Variants in PEAK3 observed in about 807,000 individuals in gnomAD.
PEAK3 encodes protein PEAK3.
A neutral mutation model predicts 13.3 loss-of-function variants in PEAK3; 15 were observed. The ratio of observed to expected loss-of-function variants is 1.13; its 90% confidence interval spans 0.75 to 1.73. The LOEUF (loss-of-function observed/expected upper bound fraction) is 1.73, where lower values mean the gene tolerates loss of function less well. Ranked by LOEUF, PEAK3 falls within the 40% of genes most tolerant of loss-of-function variation. The pLI is 0.00. For synonymous variants in PEAK3, 347 were observed against 341.9 expected (o/e 1.01, Z -0.17); for missense variants, 739 against 690.2 (o/e 1.07, Z -0.79).
intron 2 of PEAK3, among the ~76,000 whole-genome samples, chr19:2,279,776 G>A (rs2025423709): frequency 2.6e-5 from 4 of 151,594 alleles, no homozygotes; most frequent in African/African-American, 9.7e-5. Flanking sequence ...CTTTTTTGAA[G>A]TCTTGCTCTG....
chr19:2,275,564 TGC>T lies in PEAK3; in HGVS notation c.*114_*115del, dbSNP rs2145067806. ...TGGAGTGGGGCATTGCTCTCTCTGC[TGC>T]GCTCCTGGACTCTGCAGGAAGAGGG... On this transcript the variant is annotated 3_prime_UTR_variant, in exon 4 of 4. Transcript: ENST00000342063. The T allele has an allele frequency of 1.0e-6, 1 of 962,142 alleles. No individual in the cohort carries two copies. The highest frequency in any genetic ancestry group is 1.7e-5 in the African/African-American group (1 of 58,152). 59.6% of individuals were successfully genotyped at this position (962,142 alleles called of 1,614,324 possible). A position where few individuals can be genotyped will look rare whatever the true frequency, so the allele number is the denominator to read the frequency against.
In PEAK3 at chr19:2,280,892, C is replaced by T. The variant is rs761464605; in HGVS notation, c.40G>A (p.Asp14Asn). Reference protein sequence around the residue: ...PEPPTEPPEPDNPTWSTQPTY... With the variant: ...PEPPTEPPEPNNPTWSTQPTY... The stretch of plus-strand genomic sequence containing the variant: ...GGCTGAGTCGACCAGGTGGGGTTGT[C>T]GGGCTCGGGGGGCTCTGTGGGGGGC... Residue 14 changes from aspartate (D) to asparagine (N), a missense_variant, in exon 2 of 4, where the codon GAC (aspartate) becomes AAC (asparagine). Coordinates refer to ENST00000342063, the MANE Select transcript of PEAK3 (RefSeq NM_198532.3). 44 of 1,596,912 alleles carry T rather than the reference C, an allele frequency of 2.8e-5. No homozygotes were observed. Among genetic ancestry groups the T allele is most frequent in the Non-Finnish European group, 3.3e-5 (39 of 1,171,650 alleles).
At position 2,279,056 on chromosome 19, in the gene PEAK3, G is replaced by A. The variant is rs775623745; in HGVS notation, c.140C>T (p.Ser47Phe). Reference sequence around the variant, plus strand: ...CAGGGGCTCTGGGTTGGTGGAGAGGGACCCAGGGGTCCGGAGGCGGCAGGC... The same window carrying A: ...CAGGGGCTCTGGGTTGGTGGAGAGGAACCCAGGGGTCCGGAGGCGGCAGGC... ...SKACRLRTPG[S>F]LSTNPEPLPP... The change falls in exon 3 of 4, where the codon TCC becomes TTC. Residue 47 changes from serine (S) to phenylalanine (F), a missense_variant. Physicochemically the swap from Ser to Phe is radical, Grantham distance 155. Transcript: ENST00000342063. 26 of 1,490,602 alleles carry A rather than the reference G, an allele frequency of 1.7e-5. 1 individual carries two copies. In the East Asian group the frequency reaches 6.2e-4, roughly 36 times the overall value. The allele number at this position is 1,490,602 out of a possible 1,614,324, so 92.3% of individuals were successfully genotyped here. A position where few individuals can be genotyped will look rare whatever the true frequency, so the allele number is the denominator to read the frequency against.
Position 2,276,096 on chromosome 19 carries a change from G to T in PEAK3, c.1006C>A (p.Leu336Met). Reference sequence around the variant, plus strand: ...GATCCCGGGGGTCCAGGGGGCTGCAGACAGACGCGGCCAAAGTCAGTGAGG... The same window carrying T: ...GATCCCGGGGGTCCAGGGGGCTGCATACAGACGCGGCCAAAGTCAGTGAGG... ...LLLTDFGRVC[L>M]QPPGPPGSPG... The change falls in exon 4 of 4, where the codon CTG becomes ATG. Residue 336 changes from leucine (L) to methionine (M), a missense_variant. Leu to Met is a conservative substitution (Grantham distance 15). Coordinates refer to ENST00000342063, the MANE Select transcript of PEAK3 (RefSeq NM_198532.3). 1 of 1,502,632 alleles carries T rather than the reference G, an allele frequency of 6.7e-7. No individual in the cohort carries two copies. The highest frequency in any genetic ancestry group is 8.9e-7 in the Non-Finnish European group (1 of 1,123,264). 93.1% of individuals were successfully genotyped at this position (1,502,632 alleles called of 1,614,324 possible).
Position 2,276,156 on chromosome 19 carries a change from G to T in PEAK3, c.946C>A (p.Arg316=). The change falls in exon 4 of 4, where the codon CGG becomes AGG. Residue 316 remains arginine, a synonymous_variant. Coordinates refer to ENST00000342063, the MANE Select transcript of PEAK3 (RefSeq NM_198532.3). ...RPENLLLVAP[R]GCATTGPPRL... Reference sequence around the variant, plus strand: ...GGGGGCCCCGTCGTCGCACAGCCCCGAGGTGCCACCAGCAGCAAGTTCTCC... The same window carrying T: ...GGGGGCCCCGTCGTCGCACAGCCCCTAGGTGCCACCAGCAGCAAGTTCTCC... The T allele has an allele frequency of 6.5e-7, 1 of 1,545,778 alleles. No homozygotes were observed.
At chr19:2,276,782 A>AGGCAG (rs1336241132) in intron 3 of PEAK3, among the ~76,000 whole-genome samples, 1 of 152,124 alleles carries the variant, frequency 6.6e-6, no homozygotes, top group Non-Finnish European at 1.5e-5. Flanking sequence ...GCACTTTGGG[A>AGGCAG]GGCAGGGGGA....
At position 2,279,157 on chromosome 19, in the gene PEAK3, G is replaced by A. The variant is rs987148582; in HGVS notation, c.83-44C>T. The stretch of plus-strand genomic sequence containing the variant: ...GGGGAGGGTTGAGGACAGGCGGAGT[G>A]GGAACGGGACACGTGACTCCACCTC... On this transcript the variant is annotated intron_variant, in intron 2 of 3. Coordinates refer to ENST00000342063, the MANE Select transcript of PEAK3 (RefSeq NM_198532.3). The A allele has an allele frequency of 1.0e-5, 14 of 1,374,194 alleles. No homozygotes were observed. The East Asian group carries it at 2.9e-4, about 29-fold the overall frequency. The allele number at this position is 1,374,194 out of a possible 1,614,324, so 85.1% of individuals were successfully genotyped here.
chr19:2,276,821 C>A (rs2059759762), intron 3 of PEAK3, among the ~76,000 whole-genome samples: 2 of 152,148 alleles, frequency 1.3e-5, no homozygotes, highest in African/African-American at 4.8e-5. Flanking sequence ...CGAGACCAGC[C>A]TGGCCAACGC....
chr19:2,275,632 C>G lies in PEAK3; in HGVS notation c.*48G>C. On this transcript the variant is annotated 3_prime_UTR_variant, in exon 4 of 4. Coordinates refer to ENST00000342063, the MANE Select transcript of PEAK3 (RefSeq NM_198532.3). Reference sequence around the variant, plus strand: ...GGAGACGCTGACCTCAGCCCCAGCCCTGCCTCCTGGGCAGGCCTGGACCAG... The same window carrying G: ...GGAGACGCTGACCTCAGCCCCAGCCGTGCCTCCTGGGCAGGCCTGGACCAG... 1 of 1,365,344 alleles carries G rather than the reference C, an allele frequency of 7.3e-7. No homozygotes were observed. Among genetic ancestry groups the G allele is most frequent in the African/African-American group, 1.5e-5 (1 of 65,698 alleles). 84.6% of individuals were successfully genotyped at this position (1,365,344 alleles called of 1,614,324 possible).
rs2025367563 is a variant in PEAK3, at chr19:2,274,845, G to C, written c.*835C>G. 1 of 145,904 alleles carries C rather than the reference G, an allele frequency of 6.9e-6. No individual in the cohort carries two copies. Among genetic ancestry groups the C allele is most frequent in the Non-Finnish European group, 1.5e-5 (1 of 66,848 alleles). The allele number at this position is 145,904 out of a possible 1,614,324, so 9.0% of individuals were successfully genotyped here. A position where few individuals can be genotyped will look rare whatever the true frequency, so the allele number is the denominator to read the frequency against. ...AAATTAGCCGGGCGTGGTGGCGGGCGCCTGTAGTCCCAGCTACTCGGGAGG... is the reference window on the plus strand; with the variant it reads ...AAATTAGCCGGGCGTGGTGGCGGGCCCCTGTAGTCCCAGCTACTCGGGAGG... On this transcript the variant is annotated 3_prime_UTR_variant, in exon 4 of 4. Coordinates refer to ENST00000342063, the MANE Select transcript of PEAK3 (RefSeq NM_198532.3).
In PEAK3 at chr19:2,278,639, A is replaced by G. The variant is rs140574256; in HGVS notation, c.557T>C (p.Leu186Pro). ...GTGCGCGCGCACCACGCGGTAATAC[A>G]GGGCGTCCCCGCTCTCTGCGCAGGG... ...SSPCAESGDA[L>P]YYRVVRAHED... The change falls in exon 3 of 4, where the codon CTG becomes CCG. Residue 186 changes from leucine to proline, a missense_variant. Transcript: ENST00000342063. 2.2e-5 allele frequency: 33 copies of G among 1,503,920 alleles called. No homozygotes were observed. The African/African-American group carries it at 2.9e-4, about 13-fold the overall frequency. 93.2% of individuals were successfully genotyped at this position (1,503,920 alleles called of 1,614,324 possible). A position where few individuals can be genotyped will look rare whatever the true frequency, so the allele number is the denominator to read the frequency against.
At position 2,278,587 on chromosome 19, in the gene PEAK3, G is replaced by C. The variant is rs2025412118; in HGVS notation, c.609C>G (p.Ala203=). 1 of 1,479,602 alleles carries C rather than the reference G, an allele frequency of 6.8e-7. No individual in the cohort carries two copies. Among genetic ancestry groups the C allele is most frequent in the Non-Finnish European group, 9.0e-7 (1 of 1,115,846 alleles). 91.7% of individuals were successfully genotyped at this position (1,479,602 alleles called of 1,614,324 possible). The change falls in exon 3 of 4, where the codon GCC becomes GCG. Residue 203 remains alanine, a synonymous_variant. Transcript: ENST00000342063. The part of the protein sequence containing the change: ...AHEDAWHILV[A]KVPKPGADVP... Reference sequence around the variant, plus strand: ...AGGGTGGGGCTGTGGGGCTCACCTTGGCGACCAGGATGTGCCAGGCGTCCT... The same window carrying C: ...AGGGTGGGGCTGTGGGGCTCACCTTCGCGACCAGGATGTGCCAGGCGTCCT...
intron 3 of PEAK3, 106 bp from the exon 4 acceptor site, chr19:2,276,595 GC>G (rs747801058): frequency 3.7e-4 from 355 of 966,660 alleles, no homozygotes; most frequent in Middle Eastern, 6.6e-4. Flanking sequence ...CCCCCAAACT[GC>G]CCCCACTACG....
At chr19:2,280,539 C>T (rs1425460377) in intron 2 of PEAK3, among the ~76,000 whole-genome samples, 3 of 151,604 alleles carry the variant, frequency 2.0e-5, no homozygotes, top group Non-Finnish European at 2.9e-5. Flanking sequence ...AGATGGGGGG[C>T]GGGTCTCATT....
Position 2,275,790 on chromosome 19 carries a change from G to A in PEAK3, c.1312C>T (p.Arg438Trp), listed in dbSNP as rs769397129. The change falls in exon 4 of 4, where the codon CGG becomes TGG. Residue 438 changes from arginine (R) to tryptophan (W), a missense_variant. Arg to Trp is a moderately radical substitution (Grantham distance 101). Transcript: ENST00000342063. ...RGLLVLRLAE[R>W]AAGGEAPSLE... ...CTGGGAGCTTCCCCACCTGCGGCCC[G>A]CTCTGCTAGGCGCAGGACCAGCAGC... The A allele has an allele frequency of 3.9e-5, 61 of 1,564,286 alleles. No individual in the cohort carries two copies. The South Asian group carries it at 5.3e-4, about 14-fold the overall frequency.
At position 2,278,702 on chromosome 19, in the gene PEAK3, C is replaced by A; in HGVS notation, c.494G>T (p.Cys165Phe). 6.6e-7 allele frequency: 1 copy of A among 1,525,542 alleles called. No individual in the cohort carries two copies. 94.5% of individuals were successfully genotyped at this position (1,525,542 alleles called of 1,614,324 possible). A position where few individuals can be genotyped will look rare whatever the true frequency, so the allele number is the denominator to read the frequency against. Residue 165 changes from cysteine to phenylalanine, a missense_variant, in exon 3 of 4, where the codon TGC (cysteine) becomes TTC (phenylalanine). Coordinates refer to ENST00000342063, the MANE Select transcript of PEAK3 (RefSeq NM_198532.3). ...GAGGCGGAAGCTGTGGCCGGGGTGG[C>A]AGGGCCCGGGGTGGCCCCCCATGAG... ...ARLMGGHPGP[C>F]HPGHSFRLLD... is the part of the protein sequence containing the mutation.
chr19:2,278,589 C>A lies in PEAK3; in HGVS notation c.607G>T (p.Ala203Ser). 2 of 1,478,340 alleles carry A rather than the reference C, an allele frequency of 1.4e-6. No homozygotes were observed. The highest frequency in any genetic ancestry group is 1.8e-6 in the Non-Finnish European group (2 of 1,115,080). The allele number at this position is 1,478,340 out of a possible 1,614,324, so 91.6% of individuals were successfully genotyped here. A position where few individuals can be genotyped will look rare whatever the true frequency, so the allele number is the denominator to read the frequency against. The change falls in exon 3 of 4, where the codon GCC (alanine) becomes TCC (serine). Residue 203 changes from alanine (A) to serine (S), a missense_variant. By Grantham distance (99) the Ala-to-Ser change is moderately conservative. Coordinates refer to ENST00000342063, the MANE Select transcript of PEAK3 (RefSeq NM_198532.3). ...GGTGGGGCTGTGGGGCTCACCTTGG[C>A]GACCAGGATGTGCCAGGCGTCCTCG... The part of the protein sequence containing the change: ...AHEDAWHILV[A>S]KVPKPGADVP...
At position 2,276,085 on chromosome 19, in the gene PEAK3, A is replaced by C; in HGVS notation, c.1017T>G (p.Pro339=). 6.7e-7 allele frequency: 1 copy of C among 1,488,944 alleles called. No individual in the cohort carries two copies. Among genetic ancestry groups the C allele is most frequent in the Non-Finnish European group, 8.9e-7 (1 of 1,117,532 alleles). 92.2% of individuals were successfully genotyped at this position (1,488,944 alleles called of 1,614,324 possible). A position where few individuals can be genotyped will look rare whatever the true frequency, so the allele number is the denominator to read the frequency against. The stretch of plus-strand genomic sequence containing the variant: ...GGGGGCCCGGGGATCCCGGGGGTCC[A>C]GGGGGCTGCAGACAGACGCGGCCAA... The part of the protein sequence containing the change: ...TDFGRVCLQP[P]GPPGSPGPHA... The change falls in exon 4 of 4, where the codon CCT becomes CCG. Residue 339 remains proline, a synonymous_variant. Coordinates refer to ENST00000342063, the MANE Select transcript of PEAK3 (RefSeq NM_198532.3).
chr19:2,277,395 C>T (rs1156826794), intron 3 of PEAK3, among the ~76,000 whole-genome samples: 4 of 152,050 alleles, frequency 2.6e-5, no homozygotes, highest in South Asian at 2.1e-4. Flanking sequence ...CTGCTCCCAC[C>T]GTGTGAGATG....
Sources: gnomAD v4.1 joint callset for allele counts (sites outside exome capture counted in the v4.1 genomes callset) on GRCh38, gnomAD v4.1.1 for gene constraint, MANE v1.5 for transcripts, NCBI Gene and HGNC (gene_info 2026-07-23, HGNC 2026-07-21) for gene names.